SNX10: variants seen among roughly 807,000 people sequenced by gnomAD.
The protein encoded by SNX10 is sorting nexin 10, also known as sorting nexin-10.
A neutral mutation model predicts 28.5 loss-of-function variants in SNX10; 25 were observed. The observed-to-expected ratio is 0.88, with a 90% confidence interval of 0.64 to 1.22. The LOEUF is 1.22. SNX10 is among the 50% of genes most tolerant of loss of function. SNX10 has a pLI of 0.00. For missense variants in SNX10, 223 were observed against 242.6 expected (o/e 0.92, Z 0.54); for synonymous variants, 62 against 81.4 (o/e 0.76, Z 1.28).
rs962576976 is a variant in SNX10 at position 26,292,048 on chromosome 7, C to G, written c.-62C>G. On this transcript the variant is annotated 5_prime_UTR_variant, in exon 1 of 7. Coordinates refer to ENST00000338523, the MANE Select transcript of SNX10 (RefSeq NM_013322.3). ...AACTCCGCGGCCCGCAAGCCCGGCTCGGCCCGGCCCTGCTCTGTTCTGCCC... is the reference window on the plus strand; with the variant it reads ...AACTCCGCGGCCCGCAAGCCCGGCTGGGCCCGGCCCTGCTCTGTTCTGCCC... 43 of 152,510 alleles carry G rather than the reference C, an allele frequency of 2.8e-4. No individual in the cohort carries two copies. The highest frequency in any genetic ancestry group is 1.3e-3 in the Admixed American group (19 of 15,196). The allele number at this position is 152,510 out of a possible 1,614,324, so 9.4% of individuals were successfully genotyped here. A position where few individuals can be genotyped will look rare whatever the true frequency, so the allele number is the denominator to read the frequency against.
intron 1 of SNX10, among the ~76,000 whole-genome samples, chr7:26,335,772 C>G (rs563238812): frequency 1.5e-3 from 141 of 91,954 alleles, no homozygotes; most frequent in African/African-American, 2.5e-3. Flanking sequence ...GAGACGGAGT[C>G]TCGTTCTGTC....
chr7:26,364,863 G>T lies in SNX10; in HGVS notation c.213-184G>T, dbSNP rs201108735. Among the ~76,000 whole-genome samples, 21 of 152,092 alleles carry T rather than the reference G, an allele frequency of 1.4e-4. No individual in the cohort carries two copies. The East Asian group carries it at 3.9e-3, about 28-fold the overall frequency. ...AAAGGCCTCAGAAATGTTTAAAGAT[G>T]GGTTTTTCTTTAAGCTGACTTCCTG... On this transcript the variant is annotated intron_variant, in intron 4 of 6. Coordinates refer to ENST00000338523, the MANE Select transcript of SNX10 (RefSeq NM_013322.3). The surrounding 1 kb of genome is among the most constrained non-coding windows in gnomAD (Gnocchi z 4.9).
chr7:26,307,503 A>G (rs1217684707), intron 1 of SNX10, among the ~76,000 whole-genome samples: 4 of 152,150 alleles, frequency 2.6e-5, no homozygotes, highest in African/African-American at 7.2e-5. Context: ...ACTGGAGTGT[A>G]GTGGCACGAT....
chr7:26,321,871 G>T (rs1315552669), intron 1 of SNX10, among the ~76,000 whole-genome samples: 1 of 151,798 alleles, frequency 6.6e-6, no homozygotes, highest in African/African-American at 2.4e-5. Context: ...TCAGCATCCT[G>T]AGTAGCTGGA....
intron 1 of SNX10, among the ~76,000 whole-genome samples, chr7:26,312,741 G>A (rs1184633003): frequency 2.6e-5 from 4 of 152,052 alleles, no homozygotes; most frequent in Non-Finnish European, 5.9e-5. Flanking sequence ...CCGAGATCAC[G>A]CCACTGCACT....
chr7:26,306,766 T>C (rs1786610691), intron 1 of SNX10, among the ~76,000 whole-genome samples: 1 of 152,158 alleles, frequency 6.6e-6, no homozygotes, highest in South Asian at 2.1e-4. Context: ...ATTTTTCATA[T>C]TGGGGGTCCT....
At chr7:26,319,529 C>T (rs1306433063) in intron 1 of SNX10, among the ~76,000 whole-genome samples, 6 of 152,034 alleles carry the variant, frequency 3.9e-5, no homozygotes, top group East Asian at 1.9e-4. Flanking sequence ...TTCAGTGAGA[C>T]GGAAGGCCAG....
chr7:26,365,006 G>C, intron 4 of SNX10, 41 bp from the exon 5 acceptor site: 1 of 1,242,812 alleles, frequency 8.0e-7, no homozygotes, highest in African/African-American at 1.5e-5. Context: ...GAAGCACCTT[G>C]AGTTAATCAT....
At chr7:26,355,485 A>G (rs569866284) in intron 2 of SNX10, among the ~76,000 whole-genome samples, 23 of 152,312 alleles carry the variant, frequency 1.5e-4, no homozygotes, top group African/African-American at 5.3e-4. Flanking sequence ...ATTCCTTTCA[A>G]TAGCATCTTA....
At chr7:26,370,562 T>C (rs984892192) in intron 5 of SNX10, 2 of 152,272 alleles carry the variant, frequency 1.3e-5, no homozygotes, top group East Asian at 1.9e-4. Context: ...TTGGTTTTAA[T>C]ACTGTGCATT....
At chr7:26,339,097 G>A (rs1015818434) in intron 1 of SNX10, among the ~76,000 whole-genome samples, 1 of 152,190 alleles carries the variant, frequency 6.6e-6, no homozygotes, top group African/African-American at 2.4e-5. Context: ...GGTCTTTTCG[G>A]GAAAGGGCTG....
chr7:26,320,410 T>G lies in SNX10; in HGVS notation c.-23-26010T>G, dbSNP rs1046673693. On this transcript the variant is annotated intron_variant, in intron 1 of 6. Transcript: ENST00000338523. ...CCTTGGCATATATTTTCTGGAATCT[T>G]CTTCTTTTTTTAATTTATTTTATTT... 2.1e-5 allele frequency among the ~76,000 whole-genome samples: 3 copies of G among 141,234 alleles called. No homozygotes were observed. In the Admixed American group the frequency reaches 2.3e-4, roughly 11 times the overall value. The allele number at this position is 141,234 out of a possible 152,430, so 92.7% of individuals were successfully genotyped here. A position where few individuals can be genotyped will look rare whatever the true frequency, so the allele number is the denominator to read the frequency against.
chr7:26,350,341 G>A (rs898725973), intron 2 of SNX10, among the ~76,000 whole-genome samples: 2 of 152,188 alleles, frequency 1.3e-5, no homozygotes, highest in Non-Finnish European at 1.5e-5. Flanking sequence ...ACTGAGGGAG[G>A]AGATGGGGCA....
At chr7:26,308,489 C>A (rs926140751) in intron 1 of SNX10, among the ~76,000 whole-genome samples, 1 of 152,060 alleles carries the variant, frequency 6.6e-6, no homozygotes, top group East Asian at 1.9e-4. Flanking sequence ...TTCAGTCATC[C>A]CTGTTCAATG....
intron 1 of SNX10, among the ~76,000 whole-genome samples, chr7:26,316,709 A>T (rs955327162): frequency 2.0e-5 from 3 of 152,198 alleles, no homozygotes; most frequent in Non-Finnish European, 2.9e-5. Context: ...AGGCGCACAG[A>T]GGGTAAGCAG....
At chr7:26,370,646 TG>T (rs1184755223) in intron 5 of SNX10, 2 of 152,238 alleles carry the variant, frequency 1.3e-5, no homozygotes, top group Non-Finnish European at 2.9e-5. Context: ...ATAATGACCT[TG>T]GATTTTCACT....
At chr7:26,301,019 CAAAAAA>C (rs1170123330) in intron 1 of SNX10, among the ~76,000 whole-genome samples, 6 of 9,970 alleles carry the variant, frequency 6.0e-4, no homozygotes, top group African/African-American at 1.1e-3. Flanking sequence ...ACTCTGTCTC[CAAAAAA>C]AAAAAAAAAA....
In SNX10 at chr7:26,327,399, C is replaced by T. The variant is rs566890317; in HGVS notation, c.-23-19021C>T. On this transcript the variant is annotated intron_variant, in intron 1 of 6. Transcript: ENST00000338523. ...GGGACAGTTATTCAACTTCTTTGAACGTTAGTGTCTTCATCTGGAGTGCAA... is the reference window on the plus strand; with the variant it reads ...GGGACAGTTATTCAACTTCTTTGAATGTTAGTGTCTTCATCTGGAGTGCAA... 8.5e-5 allele frequency among the ~76,000 whole-genome samples: 13 copies of T among 152,306 alleles called. No individual in the cohort carries two copies. In the Middle Eastern group the frequency reaches 0.01, roughly 120 times the overall value.
intron 1 of SNX10, among the ~76,000 whole-genome samples, chr7:26,333,164 G>T (rs973526481): frequency 4.6e-5 from 7 of 152,118 alleles, no homozygotes; most frequent in Admixed American, 2.0e-4. Flanking sequence ...ACTTTGGGCA[G>T]TGTTGCCATT....
Sources: gnomAD v4.1 joint callset for allele counts (sites outside exome capture counted in the v4.1 genomes callset) on GRCh38, gnomAD v4.1.1 for gene constraint, Gnocchi (gnomAD v3.1) non-coding constraint, MANE v1.5 for transcripts, NCBI Gene and HGNC (gene_info 2026-07-23, HGNC 2026-07-21) for gene names.